MMP25: variants seen among roughly 807,000 people sequenced by gnomAD.
MMP25 encodes matrix metalloproteinase-25.
In MMP25, 68 loss-of-function variants were observed where a neutral mutation model predicts 62.1. The ratio of observed to expected loss-of-function variants is 1.10; its 90% CI spans 0.90 to 1.34. MMP25 has a LOEUF of 1.34. Among genes scored for constraint, MMP25 ranks in the 40% most tolerant of loss-of-function variants. MMP25 has a pLI of 0.00. For missense variants in MMP25, 942 were observed against 792.5 expected, an observed-to-expected ratio of 1.19 and a Z score of -2.26; for synonymous variants, 407 against 345.6, an observed-to-expected ratio of 1.18 and a Z score of -1.97.
chr16:3,053,438 C>T (rs1292068465), intron 4 of MMP25: 5 of 152,262 alleles, frequency 3.3e-5, no homozygotes, highest in Admixed American at 6.5e-5. Flanking sequence ...TCAGGTTCCT[C>T]GCCTGAGAAA....
At chr16:3,050,646 C>A in intron 4 of MMP25, 100 bp downstream of exon 4, 2 of 1,265,078 alleles carry the variant, frequency 1.6e-6, no homozygotes, top group Non-Finnish European at 2.1e-6. Context: ...CAAGGTCTTG[C>A]TCTGTTGCTC....
chr16:3,054,113 T>G (rs967794448), intron 4 of MMP25: 127 of 136,352 alleles, frequency 9.3e-4, no homozygotes, highest in African/African-American at 2.7e-3. Context: ...CAGAGGCAGG[T>G]ATGGATGCAT....
chr16:3,057,168 G>A lies in MMP25; in HGVS notation c.797G>A (p.Arg266His), dbSNP rs760286558. The change falls in exon 5 of 10, where the codon CGC (arginine) becomes CAC (histidine). Residue 266 changes from arginine (R) to histidine (H), a missense_variant. Arg to His is a conservative substitution (Grantham distance 29, BLOSUM62 0). Coordinates refer to ENST00000336577, the MANE Select transcript of MMP25 (RefSeq NM_022468.5). ...QGPVGDPDKY[R>H]LSQDDRDGLQ... ...CCGGTGGGCGACCCTGACAAGTACC[G>A]CCTGTCTCAGGATGACCGCGATGGC... 1.1e-5 allele frequency: 17 copies of A among 1,612,736 alleles called. No homozygotes were observed. The highest frequency in any genetic ancestry group is 5.5e-5 in the South Asian group (5 of 90,864).
Position 3,057,406 on chromosome 16 carries a change from A to C in MMP25, c.923+12A>C. On this transcript the variant is annotated intron_variant, in intron 6 of 9. Coordinates refer to ENST00000336577, the MANE Select transcript of MMP25 (RefSeq NM_022468.5). ...TCGCCCACACACAGGTGAGTCCCCC[A>C]CCAACTCGGAGACCTTGGGTGACCA... 2 of 1,608,710 alleles carry C rather than the reference A, an allele frequency of 1.2e-6. No individual in the cohort carries two copies. Among genetic ancestry groups the C allele is most frequent in the Non-Finnish European group, 8.5e-7 (1 of 1,176,718 alleles).
chr16:3,047,543 C>A lies in MMP25; in HGVS notation c.228C>A (p.Arg76=). 6.2e-7 allele frequency: 1 copy of A among 1,612,832 alleles called. No individual in the cohort carries two copies. The highest frequency in any genetic ancestry group is 1.3e-5 in the African/African-American group (1 of 75,026). Residue 76 remains arginine, a synonymous_variant, in exon 2 of 10, where the codon CGC becomes CGA. Transcript: ENST00000336577. ...QRFAGLPETG[R]MDPGTVATMR... is the part of the protein sequence containing the mutation. The stretch of plus-strand genomic sequence containing the variant: ...TCGCGGGGCTGCCGGAGACCGGCCG[C>A]ATGGGTAGGTGGCCCCCACCCCTCC...
At position 3,058,611 on chromosome 16, in the gene MMP25, C is replaced by A; in HGVS notation, c.1359C>A (p.Asp453Glu). 6.2e-7 allele frequency: 1 copy of A among 1,607,510 alleles called. No homozygotes were observed. Among genetic ancestry groups the A allele is most frequent in the African/African-American group, 1.3e-5 (1 of 74,946 alleles). ...AARPDPGYPR[D>E]LSLWEGAPPS... ...GCCCGGACCCCGGCTACCCTCGCGA[C>A]CTGAGCCTCTGGGAAGGCGCGCCCC... Residue 453 changes from aspartate (D) to glutamate (E), a missense_variant, in exon 9 of 10, where the codon GAC becomes GAA. Physicochemically the swap from Asp to Glu is conservative, Grantham distance 45. Coordinates refer to ENST00000336577, the MANE Select transcript of MMP25 (RefSeq NM_022468.5).
chr16:3,059,227 C>A lies in MMP25; in HGVS notation c.*129C>A. The A allele has an allele frequency of 8.5e-7, 1 of 1,178,890 alleles. No individual in the cohort carries two copies. The highest frequency in any genetic ancestry group is 1.1e-6 in the Non-Finnish European group (1 of 876,536). The allele number at this position is 1,178,890 out of a possible 1,614,324, so 73.0% of individuals were successfully genotyped here. ...CCACGGACGGGGGCTCGGGCGCGGA[C>A]TAAGCAGGGGGGATCTCCCGCGCAG... is the stretch of plus-strand genomic sequence containing the variant. On this transcript the variant is annotated 3_prime_UTR_variant, in exon 10 of 10. Coordinates refer to ENST00000336577, the MANE Select transcript of MMP25 (RefSeq NM_022468.5).
At position 3,050,161 on chromosome 16, in the gene MMP25, A is replaced by AC; in HGVS notation, c.368+20dup. 1.3e-6 allele frequency: 2 copies of AC among 1,593,756 alleles called. No homozygotes were observed. The highest frequency in any genetic ancestry group is 1.3e-5 in the African/African-American group (1 of 74,636). On this transcript the variant is annotated intron_variant, in intron 3 of 9. Coordinates refer to ENST00000336577, the MANE Select transcript of MMP25 (RefSeq NM_022468.5). ...GACATGGAGGTAGGTCCTGGGGCCC[A>AC]CCCGCACCCTGGCCCTGCCTGCTGG...
Position 3,057,313 on chromosome 16 carries a change from A to G in MMP25, c.842A>G (p.Lys281Arg). 1 of 1,613,970 alleles carries G rather than the reference A, an allele frequency of 6.2e-7. No homozygotes were observed. Among genetic ancestry groups the G allele is most frequent in the African/African-American group, 1.3e-5 (1 of 74,988 alleles). ...CTGCCTGACTCTTTCCTCACAGGGA[A>G]GGCGCCCCAAACCCCATATGACAAG... ...DRDGLQQLYGKAPQTPYDKPT... is the reference protein window; with the variant it reads ...DRDGLQQLYGRAPQTPYDKPT... Residue 281 changes from lysine (K) to arginine (R), a missense_variant, in exon 6 of 10, where the codon AAG becomes AGG. Coordinates refer to ENST00000336577, the MANE Select transcript of MMP25 (RefSeq NM_022468.5).
intron 7 of MMP25, 61 bp from the exon 8 acceptor site, chr16:3,058,120 C>A: frequency 6.3e-7 from 1 of 1,588,682 alleles, no homozygotes; most frequent in South Asian, 1.1e-5. Context: ...AGCCACACAC[C>A]CTGGGGGAGG....
chr16:3,059,809 T>A lies in MMP25; in HGVS notation c.*711T>A, dbSNP rs1956084123. 6.6e-6 allele frequency: 1 copy of A among 152,208 alleles called. No homozygotes were observed. The highest frequency in any genetic ancestry group is 6.5e-5 in the Admixed American group (1 of 15,274). The allele number at this position is 152,208 out of a possible 1,614,324, so 9.4% of individuals were successfully genotyped here. Reference sequence around the variant, plus strand: ...ATGCGCCACGTCCTGGGTGGTGGAATCAGTGGCTGGAGGGACGACCCTTGC... The same window carrying A: ...ATGCGCCACGTCCTGGGTGGTGGAAACAGTGGCTGGAGGGACGACCCTTGC... On this transcript the variant is annotated 3_prime_UTR_variant, in exon 10 of 10. Coordinates refer to ENST00000336577, the MANE Select transcript of MMP25 (RefSeq NM_022468.5).
chr16:3,047,382 AG>A (rs761411822), intron 1 of MMP25, 32 bp from the exon 2 acceptor site: 1 of 1,593,462 alleles, frequency 6.3e-7, no homozygotes, highest in Non-Finnish European at 8.6e-7. Context: ...CTTTTCACCC[AG>A]CCCGCTTCAC....
Position 3,050,403 on chromosome 16 carries a change from A to G in MMP25, c.518A>G (p.Asp173Gly). The change falls in exon 4 of 10, where the codon GAC becomes GGC. Residue 173 changes from aspartate to glycine, a missense_variant. Asp to Gly is a moderately conservative substitution (Grantham distance 94, BLOSUM62 -1). Coordinates refer to ENST00000336577, the MANE Select transcript of MMP25 (RefSeq NM_022468.5). ...GGCCAGGAGCCCGACATCCTCATCG[A>G]CTTTGCCCGCGCCTTCCACCAGGAC... The part of the protein sequence containing the change: ...PQGQEPDILI[D>G]FARAFHQDSY... 1 of 1,613,926 alleles carries G rather than the reference A, an allele frequency of 6.2e-7. No individual in the cohort carries two copies. Among genetic ancestry groups the G allele is most frequent in the Non-Finnish European group, 8.5e-7 (1 of 1,179,988 alleles).
At position 3,060,480 on chromosome 16, in the gene MMP25, C is replaced by A. The variant is rs1284931475; in HGVS notation, c.*1382C>A. ...GTCCAGCCTCAGTGACCCCCTAGTG[C>A]TTCCTGGAGCTGAGGCTGTGGGCGG... On this transcript the variant is annotated 3_prime_UTR_variant, in exon 10 of 10. Coordinates refer to ENST00000336577, the MANE Select transcript of MMP25 (RefSeq NM_022468.5). 6.6e-6 allele frequency: 1 copy of A among 152,154 alleles called. No individual in the cohort carries two copies. Among genetic ancestry groups the A allele is most frequent in the Admixed American group, 6.5e-5 (1 of 15,272 alleles). 9.4% of individuals were successfully genotyped at this position (152,154 alleles called of 1,614,324 possible).
chr16:3,058,707 G>A (rs1406731875), intron 9 of MMP25, 38 bp downstream of exon 9: 9 of 1,569,126 alleles, frequency 5.7e-6, no homozygotes, highest in Non-Finnish European at 7.8e-6. Context: ...CTGGGCCTGG[G>A]GGTGGGGAGA....
At chr16:3,050,779 T>C (rs550667113) in intron 4 of MMP25, among the ~76,000 whole-genome samples, 2 of 151,420 alleles carry the variant, frequency 1.3e-5, no homozygotes, top group African/African-American at 4.8e-5. Context: ...TACCTGGCTA[T>C]TTTTTTTGTT....
intron 4 of MMP25, 95 bp downstream of exon 4, chr16:3,050,641 T>C: frequency 7.7e-7 from 1 of 1,292,906 alleles, no homozygotes; most frequent in Admixed American, 2.9e-5. Flanking sequence ...AGAAACAAGG[T>C]CTTGCTCTGT....
intron 1 of MMP25, among the ~76,000 whole-genome samples, 154 bp downstream of exon 1, chr16:3,047,170 G>A (rs953867710): frequency 2.0e-5 from 3 of 152,254 alleles, no homozygotes; most frequent in Admixed American, 1.3e-4. Flanking sequence ...TCTTGGGTCT[G>A]TCGGGAAGTT....
chr16:3,046,991 C>G lies in MMP25; in HGVS notation c.74C>G (p.Ser25Trp). The change falls in exon 1 of 10, where the codon TCG becomes TGG. Residue 25 changes from serine to tryptophan, a missense_variant. Transcript: ENST00000336577. ...CCGCCCGCGCGCGCCCCGAAGCCCT[C>G]GGCGCAGGACGTGAGCCTGGGCGTG... ...LAPPARAPKP[S>W]AQDVSLGVDW... 6.8e-7 allele frequency: 1 copy of G among 1,469,310 alleles called. No homozygotes were observed. Among genetic ancestry groups the G allele is most frequent in the South Asian group, 1.3e-5 (1 of 77,064 alleles). The allele number at this position is 1,469,310 out of a possible 1,614,324, so 91.0% of individuals were successfully genotyped here.
Sources: gnomAD v4.1 joint callset for allele counts (sites outside exome capture counted in the v4.1 genomes callset) on GRCh38, gnomAD v4.1.1 for gene constraint, MANE v1.5 for transcripts, NCBI Gene and HGNC (gene_info 2026-07-23, HGNC 2026-07-21) for gene names.